Variants in FAM3C observed in about 807,000 individuals in gnomAD.
FAM3C encodes the protein FAM3 metabolism regulating signaling molecule C.
Under a neutral mutation model 32.5 loss-of-function variants are expected in FAM3C, and 15 were observed. That is an observed-to-expected ratio of 0.46 (90% CI 0.31 to 0.71). FAM3C has a LOEUF of 0.71. FAM3C is among the 30% of genes least tolerant of loss of function. The pLI is 0.05. For synonymous variants in FAM3C, 75 were observed against 86.1 expected, an observed-to-expected ratio of 0.87 and a Z score of 0.72; for missense variants, 175 against 274.4, an observed-to-expected ratio of 0.64 and a Z score of 2.56.
chr7:121,383,915 A>G (rs755290979), intron 1 of FAM3C, among the ~76,000 whole-genome samples: 1 of 152,308 alleles, frequency 6.6e-6, no homozygotes, highest in Non-Finnish European at 1.5e-5. Flanking sequence ...CCAGCAGTAC[A>G]TATCTATTTT....
chr7:121,354,050 TA>T (rs1319149085), intron 8 of FAM3C, among the ~76,000 whole-genome samples: 1 of 152,214 alleles, frequency 6.6e-6, no homozygotes. Flanking sequence ...TTTGGTTGAT[TA>T]TTTTATTATT....
chr7:121,360,215 G>A (rs1294503588), intron 7 of FAM3C, 88 bp from the exon 8 acceptor site: 3 of 724,142 alleles, frequency 4.1e-6, no homozygotes, highest in Non-Finnish European at 5.0e-6. Context: ...AAAACATGAA[G>A]TATCTGTAAA....
intron 7 of FAM3C, among the ~76,000 whole-genome samples, chr7:121,361,792 C>T (rs1337490317): frequency 3.9e-5 from 6 of 152,180 alleles, no homozygotes; most frequent in African/African-American, 7.2e-5. Context: ...TCTCCTGCTT[C>T]GGCCTCCCAA....
intron 1 of FAM3C, among the ~76,000 whole-genome samples, chr7:121,391,752 TG>T (rs1368175482): frequency 6.6e-6 from 1 of 152,198 alleles, no homozygotes; most frequent in African/African-American, 2.4e-5. Context: ...GCACACCATT[TG>T]TACCACAAAA....
At chr7:121,356,071 AAG>A (rs1261300754) in intron 8 of FAM3C, among the ~76,000 whole-genome samples, 1 of 152,150 alleles carries the variant, frequency 6.6e-6, no homozygotes, top group Non-Finnish European at 1.5e-5. Flanking sequence ...ATCAAATAAA[AAG>A]ATCTGAGAAT....
chr7:121,391,321 G>A (rs192907978), intron 1 of FAM3C, among the ~76,000 whole-genome samples: 164 of 152,252 alleles, frequency 1.1e-3, no homozygotes, highest in African/African-American at 3.1e-3. Context: ...ACCATCCAGG[G>A]AGAGATGGAT....
At chr7:121,387,934 C>T (rs1794495571) in intron 1 of FAM3C, among the ~76,000 whole-genome samples, 1 of 151,888 alleles carries the variant, frequency 6.6e-6, no homozygotes, top group Non-Finnish European at 1.5e-5. Context: ...TGTCAAGTAC[C>T]CTGTCTCCCC....
At chr7:121,383,376 C>T (rs1794400129) in intron 1 of FAM3C, among the ~76,000 whole-genome samples, 1 of 152,060 alleles carries the variant, frequency 6.6e-6, no homozygotes, top group African/African-American at 2.4e-5. Context: ...GGTTAAGCTG[C>T]TTATCTAGTT....
intron 1 of FAM3C, among the ~76,000 whole-genome samples, chr7:121,393,067 T>C (rs7776725): frequency 0.28 from 42,364 of 152,098 alleles, 6,082 homozygotes; most frequent in African/African-American, 0.33. Context: ...AATGAACAAC[T>C]GCTTAATGAA....
chr7:121,362,522 A>G (rs1036281733), intron 7 of FAM3C, among the ~76,000 whole-genome samples: 2 of 151,720 alleles, frequency 1.3e-5, no homozygotes, highest in South Asian at 2.1e-4. Context: ...AATTCCTATC[A>G]CTTAGGAATG....
At chr7:121,370,399 C>A (rs973684117) in intron 5 of FAM3C, among the ~76,000 whole-genome samples, 2 of 152,148 alleles carry the variant, frequency 1.3e-5, no homozygotes, top group African/African-American at 4.8e-5. Flanking sequence ...AGAAGAGGCA[C>A]ATAAACAGCT....
chr7:121,355,845 A>G (rs965922997), intron 8 of FAM3C, among the ~76,000 whole-genome samples: 1 of 152,180 alleles, frequency 6.6e-6, no homozygotes, highest in Non-Finnish European at 1.5e-5. Flanking sequence ...ATATTTAGAC[A>G]TAAGCATGAC....
intron 8 of FAM3C, among the ~76,000 whole-genome samples, chr7:121,353,424 A>T (rs543242088): frequency 6.6e-6 from 1 of 152,188 alleles, no homozygotes; most frequent in Non-Finnish European, 1.5e-5. Context: ...TTGCTTTTCC[A>T]TTAGAAGATA....
chr7:121,358,919 G>T (rs1793867863), intron 8 of FAM3C, among the ~76,000 whole-genome samples: 1 of 151,496 alleles, frequency 6.6e-6, no homozygotes, highest in African/African-American at 2.4e-5. Flanking sequence ...AAACGTGAAG[G>T]GGTCTTACAA....
Position 121,350,301 on chromosome 7 carries a change from T to G in FAM3C, c.*160A>C. On this transcript the variant is annotated 3_prime_UTR_variant, in exon 10 of 10. Coordinates refer to ENST00000359943, the MANE Select transcript of FAM3C (RefSeq NM_014888.3). Reference sequence around the variant, plus strand: ...TGATGATTATTTACAATGCTATCTATTTACGTTAGCAATAAATAATCCTGA... The same window carrying G: ...TGATGATTATTTACAATGCTATCTAGTTACGTTAGCAATAAATAATCCTGA... The G allele has an allele frequency of 1.6e-6, 1 of 632,052 alleles. No homozygotes were observed. The highest frequency in any genetic ancestry group is 2.7e-6 in the Non-Finnish European group (1 of 366,122). 39.2% of individuals were successfully genotyped at this position (632,052 alleles called of 1,614,324 possible).
Position 121,348,969 on chromosome 7 carries a change from A to T in FAM3C, c.*1492T>A, listed in dbSNP as rs933595530. On this transcript the variant is annotated 3_prime_UTR_variant, in exon 10 of 10. Coordinates refer to ENST00000359943, the MANE Select transcript of FAM3C (RefSeq NM_014888.3). ...TTTAATTTACAGAATTGAGGGAAGTATTTTAAATGTCAAAATACACATGCT... is the reference window on the plus strand; with the variant it reads ...TTTAATTTACAGAATTGAGGGAAGTTTTTTAAATGTCAAAATACACATGCT... The T allele has an allele frequency of 6.6e-6, 1 of 152,388 alleles. No individual in the cohort carries two copies. Among genetic ancestry groups the T allele is most frequent in the African/African-American group, 2.4e-5 (1 of 41,412 alleles). 9.4% of individuals were successfully genotyped at this position (152,388 alleles called of 1,614,324 possible).
chr7:121,378,091 T>TA (rs1269886583), intron 3 of FAM3C, among the ~76,000 whole-genome samples: 3 of 152,254 alleles, frequency 2.0e-5, no homozygotes, highest in Admixed American at 6.5e-5. Context: ...ACTTCACAAT[T>TA]ATTTGAGATT....
chr7:121,390,853 C>CGGGGGGGGGG (rs58750532), intron 1 of FAM3C, among the ~76,000 whole-genome samples: 5 of 7,462 alleles, frequency 6.7e-4, no homozygotes, highest in African/African-American at 1.0e-3. Context: ...CTGTGTGGGG[C>CGGGGGGGGGG]GGGGGGGGGG....
At chr7:121,368,228 T>C (rs2707480) in intron 5 of FAM3C, among the ~76,000 whole-genome samples, 38,822 of 152,032 alleles carry the variant, frequency 0.26, 5,938 homozygotes, top group African/African-American at 0.44. Context: ...AGCTGACCTA[T>C]GCACTGAAAG....
Sources: allele counts gnomAD v4.1 joint callset (sites outside exome capture counted in the v4.1 genomes callset), GRCh38; gene constraint gnomAD v4.1.1; transcripts MANE v1.5; gene names NCBI Gene and HGNC (gene_info 2026-07-23, HGNC 2026-07-21).